ADGRB3: variants seen among roughly 807,000 people sequenced by gnomAD.
ADGRB3 encodes the protein brain-specific angiogenesis inhibitor 3.
In ADGRB3, 37 loss-of-function variants were observed where a neutral mutation model predicts 193.4. The observed-to-expected ratio is 0.19, with a 90% CI of 0.15 to 0.25. ADGRB3 has a LOEUF of 0.25. ADGRB3 is among the 10% of genes least tolerant of loss of function. The pLI is 1.00. For synonymous variants in ADGRB3, 690 were observed against 644.2 expected, an observed-to-expected ratio of 1.07 and a Z score of -1.08; for missense variants, 1,637 against 1,852.9, an observed-to-expected ratio of 0.88 and a Z score of 2.14.
At chr6:68,664,508 T>C (rs1254150135) in intron 3 of ADGRB3, among the ~76,000 whole-genome samples, 1 of 151,820 alleles carries the variant, frequency 6.6e-6, no homozygotes, top group Non-Finnish European at 1.5e-5. Context: ...GCTAAGAACA[T>C]GGAAGAGGGT....
chr6:69,327,833 A>G lies in ADGRB3; in HGVS notation c.2979A>G (p.Leu993=), dbSNP rs1561988727. ...CTTTTCTTGCAGGTTTACCAGCATTAGTAGTGGCCACATCAGTAGGCTTCA... is the reference window on the plus strand; with the variant it reads ...CTTTTCTTGCAGGTTTACCAGCATTGGTAGTGGCCACATCAGTAGGCTTCA... ...FLCLGWGLPA[L]VVATSVGFTR... The change falls in exon 22 of 32, where the codon TTA becomes TTG. Residue 993 remains leucine, a synonymous_variant. Transcript: ENST00000370598. 1.9e-6 allele frequency: 3 copies of G among 1,609,282 alleles called. No individual in the cohort carries two copies. The highest frequency in any genetic ancestry group is 2.6e-6 in the Non-Finnish European group (3 of 1,176,382).
rs1192162854 is a variant in ADGRB3, at chr6:68,677,511, TTC to T, written c.757+38081_757+38082del. Among the ~76,000 whole-genome samples the T allele has an allele frequency of 9.4e-5, 13 of 138,094 alleles. No individual in the cohort carries two copies. The East Asian group carries it at 2.6e-3, about 28-fold the overall frequency. 90.6% of individuals were successfully genotyped at this position (138,094 alleles called of 152,430 possible). ...TATCATAGGAATTTTTTTCTTTTTT[TTC>T]TTTTTTTCTTTTTTTTTTTTTTTTT... On this transcript the variant is annotated intron_variant, in intron 3 of 31. Transcript: ENST00000370598.
At chr6:68,883,815 C>T (rs192258412) in intron 3 of ADGRB3, among the ~76,000 whole-genome samples, 1,598 of 151,672 alleles carry the variant, frequency 0.011, 26 homozygotes, top group African/African-American at 0.037. Context: ...TTCTTGAAGT[C>T]GGTGAGACAA....
chr6:69,255,590 T>C (rs1458448964), intron 20 of ADGRB3, among the ~76,000 whole-genome samples: 1 of 152,218 alleles, frequency 6.6e-6, no homozygotes, highest in Non-Finnish European at 1.5e-5. Context: ...TCTTTGTAGA[T>C]TCTGGATATT....
At chr6:69,056,367 G>GT (rs1316139118) in intron 15 of ADGRB3, among the ~76,000 whole-genome samples, 2 of 152,170 alleles carry the variant, frequency 1.3e-5, no homozygotes, top group East Asian at 3.9e-4. Flanking sequence ...TATTCTGGAT[G>GT]TTAACCTCTT....
chr6:69,282,414 A>C (rs1236767803), intron 20 of ADGRB3, among the ~76,000 whole-genome samples: 1 of 152,210 alleles, frequency 6.6e-6, no homozygotes, highest in Non-Finnish European at 1.5e-5. Flanking sequence ...AAGAGAGACA[A>C]ATTTAATGAA....
intron 3 of ADGRB3, among the ~76,000 whole-genome samples, chr6:68,872,349 T>G (rs1765485227): frequency 6.6e-6 from 1 of 152,006 alleles, no homozygotes; most frequent in Admixed American, 6.6e-5. Context: ...AAGTTTTTAT[T>G]AAGAAGAAAA....
At chr6:68,822,534 G>A (rs1767765780) in intron 3 of ADGRB3, among the ~76,000 whole-genome samples, 1 of 151,882 alleles carries the variant, frequency 6.6e-6, no homozygotes, top group Non-Finnish European at 1.5e-5. Context: ...TAGAGTTATT[G>A]TGTTCTCTGA....
intron 3 of ADGRB3, among the ~76,000 whole-genome samples, chr6:68,648,182 A>G (rs1287583339): frequency 6.6e-6 from 1 of 152,170 alleles, no homozygotes; most frequent in Non-Finnish European, 1.5e-5. Flanking sequence ...TAACAAATGC[A>G]CTAAATACAT....
intron 13 of ADGRB3, among the ~76,000 whole-genome samples, chr6:69,021,562 C>A (rs1770271029): frequency 1.3e-5 from 2 of 151,774 alleles, no homozygotes; most frequent in South Asian, 2.1e-4. Flanking sequence ...ACAATAATAA[C>A]AAAGAAATAC....
chr6:68,638,780 G>A lies in ADGRB3; in HGVS notation c.105G>A (p.Lys35=). 1 of 1,614,154 alleles carries A rather than the reference G, an allele frequency of 6.2e-7. No homozygotes were observed. The highest frequency in any genetic ancestry group is 8.5e-7 in the Non-Finnish European group (1 of 1,180,016). ...ACTTCTGGTGTTCAACTTTGGTGAA[G>A]GGAGTCATTTATGGATCGTATTCTG... The part of the protein sequence containing the change: ...AQDFWCSTLV[K]GVIYGSYSVS... Residue 35 remains lysine, a synonymous_variant, in exon 3 of 32, where the codon AAG becomes AAA. Coordinates refer to ENST00000370598, the MANE Select transcript of ADGRB3 (RefSeq NM_001704.3).
chr6:69,301,499 A>G (rs1263301181), intron 20 of ADGRB3, among the ~76,000 whole-genome samples: 1 of 151,888 alleles, frequency 6.6e-6, no homozygotes, highest in African/African-American at 2.4e-5. Context: ...CATATTGCAT[A>G]AAAAAGTGAT....
chr6:69,318,308 A>G (rs1162376384), intron 20 of ADGRB3, among the ~76,000 whole-genome samples: 1 of 151,472 alleles, frequency 6.6e-6, no homozygotes, highest in African/African-American at 2.4e-5. Context: ...TCTGAATTAT[A>G]TCAAATGCTT....
At chr6:69,025,091 CA>C (rs66494212) in intron 13 of ADGRB3, among the ~76,000 whole-genome samples, 113,972 of 141,412 alleles carry the variant, frequency 0.81, 45,927 homozygotes, top group East Asian at 0.92. Flanking sequence ...GACTCCGTCT[CA>C]AAAAAAAAAA....
intron 24 of ADGRB3, among the ~76,000 whole-genome samples, chr6:69,333,671 C>T (rs985368161): frequency 1.5e-4 from 22 of 150,702 alleles, no homozygotes; most frequent in African/African-American, 5.1e-4. Context: ...TATATCTGGC[C>T]GGGCACGGTG....
At chr6:68,967,255 C>T (rs1423948191) in intron 8 of ADGRB3, among the ~76,000 whole-genome samples, 1 of 152,156 alleles carries the variant, frequency 6.6e-6, no homozygotes, top group Non-Finnish European at 1.5e-5. Flanking sequence ...AAATTATTGA[C>T]TTTTGCTTTT....
intron 3 of ADGRB3, among the ~76,000 whole-genome samples, chr6:68,925,985 T>G (rs1767168125): frequency 6.6e-6 from 1 of 152,066 alleles, no homozygotes; most frequent in Non-Finnish European, 1.5e-5. Context: ...TATTTATGGA[T>G]AATAACCTTA....
At chr6:68,693,260 C>T (rs1490481235) in intron 3 of ADGRB3, among the ~76,000 whole-genome samples, 1 of 151,706 alleles carries the variant, frequency 6.6e-6, no homozygotes, top group Non-Finnish European at 1.5e-5. Context: ...AAAAGTTTGC[C>T]TTTTAACTCC....
chr6:68,765,137 T>C (rs951558296), intron 3 of ADGRB3, among the ~76,000 whole-genome samples: 1 of 152,188 alleles, frequency 6.6e-6, no homozygotes, highest in Non-Finnish European at 1.5e-5. Flanking sequence ...TAATTTTGAG[T>C]GTGCTTTATG....
Sources: allele counts gnomAD v4.1 joint callset (sites outside exome capture counted in the v4.1 genomes callset), GRCh38; gene constraint gnomAD v4.1.1; transcripts MANE v1.5; gene names NCBI Gene and HGNC (gene_info 2026-07-23, HGNC 2026-07-21).